DCX: variants seen among roughly 807,000 people sequenced by gnomAD.
The protein encoded by DCX is neuronal migration protein doublecortin.
A neutral mutation model predicts 20.9 loss-of-function variants in DCX; 4 were observed. The observed-to-expected ratio is 0.19, with a 90% CI of 0.09 to 0.44. The LOEUF is 0.44. Ranked by LOEUF, DCX falls within the 20% of genes least tolerant of loss-of-function variation. The pLI, the probability that DCX is intolerant of heterozygous loss-of-function variation, is 0.99. For missense variants in DCX, 133 were observed against 296.9 expected (o/e 0.45, Z 4.06); for synonymous variants, 103 against 111.4 (o/e 0.92, Z 0.47).
chrX:111,369,630 G>A (rs1375217232), intron 3 of DCX, among the ~76,000 whole-genome samples: 1 of 111,806 alleles, frequency 8.9e-6, no homozygotes, highest in Non-Finnish European at 1.9e-5. Flanking sequence ...GTGGCCCTAC[G>A]ACTGGCACAC....
chrX:111,330,912 T>C lies in DCX; in HGVS notation c.938A>G (p.Asp313Gly). 6.6e-6 allele frequency: 8 copies of C among 1,211,826 alleles called. No homozygotes were observed. Among genetic ancestry groups the C allele is most frequent in the Non-Finnish European group, 8.9e-6 (8 of 895,418 alleles). Reference protein sequence around the residue: ...RSKSPADSGNDQDANGTSSSQ... With the variant: ...RSKSPADSGNGQDANGTSSSQ... Reference sequence around the variant, plus strand: ...AGGAAAAGAGCACTCACCGTCTTGGTCGTTACCTGAGTCAGCTGGAGACTT... The same window carrying C: ...AGGAAAAGAGCACTCACCGTCTTGGCCGTTACCTGAGTCAGCTGGAGACTT... Residue 313 changes from aspartate (D) to glycine (G), a missense_variant, in exon 5 of 7, where the codon GAC (aspartate) becomes GGC (glycine). This residue lies in a region of DCX where 68 missense variants were observed against 84.3 expected (regional missense o/e 0.81). Transcript: ENST00000636035.
At chrX:111,408,001 CACAGT>C (rs1259344858) in intron 2 of DCX, among the ~76,000 whole-genome samples, 2 of 111,596 alleles carry the variant, frequency 1.8e-5, no homozygotes, top group East Asian at 5.7e-4. Context: ...TTTAGAATAT[CACAGT>C]TCATGGAAAT....
intron 3 of DCX, among the ~76,000 whole-genome samples, chrX:111,343,189 A>G (rs2147657159): frequency 9.2e-6 from 1 of 108,791 alleles, no homozygotes; most frequent in East Asian, 2.9e-4. Flanking sequence ...AGCCTAATAA[A>G]AAGAAAAGAG....
chrX:111,361,266 AC>A, intron 3 of DCX, among the ~76,000 whole-genome samples: 1 of 112,298 alleles, frequency 8.9e-6, no homozygotes, highest in Admixed American at 9.5e-5. Flanking sequence ...TGCTTTAATT[AC>A]CTAAAAGTGA....
At chrX:111,397,528 A>T (rs1022098723) in intron 3 of DCX, among the ~76,000 whole-genome samples, 10 of 111,928 alleles carry the variant, frequency 8.9e-5, no homozygotes, top group Non-Finnish European at 1.7e-4. Context: ...AAATGAGCTG[A>T]GCTCCAAAAT....
intron 3 of DCX, among the ~76,000 whole-genome samples, chrX:111,357,714 C>G (rs904087114): frequency 1.8e-5 from 2 of 108,901 alleles, no homozygotes; most frequent in East Asian, 2.9e-4. Flanking sequence ...CCCAGGATGT[C>G]GAGACTGCAG....
rs190943832 is a variant in DCX, at chrX:111,369,076, C to T, written c.705+31914G>A. Among the ~76,000 whole-genome samples, 333 of 110,841 alleles carry T rather than the reference C, an allele frequency of 3.0e-3. 3 individuals are homozygous for T. Among genetic ancestry groups the T allele is most frequent in the African/African-American group, 0.01 (305 of 30,488 alleles). ...ATGTTCAAAGGCAGGAAGCATCCAG[C>T]ATGGGAGAAAGATGTAGACTGGGAG... is the stretch of plus-strand genomic sequence containing the variant. On this transcript the variant is annotated intron_variant, in intron 3 of 6. Coordinates refer to ENST00000636035, the MANE Select transcript of DCX (RefSeq NM_001195553.2).
chrX:111,409,933 G>T (rs1415112270), intron 2 of DCX, 102 bp downstream of exon 2: 3 of 1,117,362 alleles, frequency 2.7e-6, no homozygotes, highest in Non-Finnish European at 3.7e-6. Flanking sequence ...CCGGTGTTTT[G>T]AAAAATACAT....
At chrX:111,329,699 T>G (rs1351999103) in intron 5 of DCX, among the ~76,000 whole-genome samples, 1 of 111,782 alleles carries the variant, frequency 8.9e-6, no homozygotes, top group Non-Finnish European at 1.9e-5. Flanking sequence ...AAGCCTGGGT[T>G]GCCTTTTCAT....
chrX:111,308,221 A>C (rs1188546710), intron 6 of DCX, among the ~76,000 whole-genome samples: 1 of 112,135 alleles, frequency 8.9e-6, no homozygotes, highest in Non-Finnish European at 1.9e-5. Flanking sequence ...CCTACAGAAC[A>C]AAATGTTTGT....
At chrX:111,312,862 G>A in intron 5 of DCX, 126 bp from the exon 6 acceptor site, 1 of 638,458 alleles carries the variant, frequency 1.6e-6, no homozygotes, top group Admixed American at 2.7e-5. Flanking sequence ...GTGATTTGGT[G>A]AGTAGAACAA....
intron 3 of DCX, among the ~76,000 whole-genome samples, chrX:111,394,173 G>A (rs1927156510): frequency 8.9e-6 from 1 of 111,857 alleles, no homozygotes; most frequent in Non-Finnish European, 1.9e-5. Flanking sequence ...AAGAAATGAA[G>A]TACCAATATA....
intron 5 of DCX, among the ~76,000 whole-genome samples, chrX:111,316,086 T>C (rs752009467): frequency 2.0e-5 from 1 of 50,658 alleles, no homozygotes; most frequent in East Asian, 7.3e-4. Context: ...TAATAAAAAA[T>C]AAAAAAAAAA....
At chrX:111,358,370 G>A (rs541879948) in intron 3 of DCX, among the ~76,000 whole-genome samples, 2 of 111,702 alleles carry the variant, frequency 1.8e-5, no homozygotes, top group South Asian at 3.8e-4. Context: ...GATGACCAAC[G>A]TGATAAAAGG....
intron 6 of DCX, among the ~76,000 whole-genome samples, chrX:111,302,700 G>C (rs1410042903): frequency 8.9e-6 from 1 of 112,246 alleles, no homozygotes; most frequent in Admixed American, 9.4e-5. Context: ...GCATTACCAT[G>C]ATGGCTAATG....
At chrX:111,394,406 A>G (rs1927173775) in intron 3 of DCX, among the ~76,000 whole-genome samples, 1 of 112,088 alleles carries the variant, frequency 8.9e-6, no homozygotes, top group African/African-American at 3.2e-5. Context: ...GTATTTTAAA[A>G]TTGATTGTGG....
intron 2 of DCX, among the ~76,000 whole-genome samples, chrX:111,405,961 T>A (rs1404631642): frequency 8.9e-6 from 1 of 112,355 alleles, no homozygotes; most frequent in African/African-American, 3.2e-5. Context: ...AGAGTGATTA[T>A]TAACCAATTA....
intron 5 of DCX, among the ~76,000 whole-genome samples, chrX:111,330,481 C>T (rs1353165328): frequency 8.9e-6 from 1 of 112,028 alleles, no homozygotes; most frequent in Non-Finnish European, 1.9e-5. Flanking sequence ...CTAATTACTT[C>T]AGAGTCAAAT....
At chrX:111,357,519 T>G (rs1481919705) in intron 3 of DCX, among the ~76,000 whole-genome samples, 3 of 112,066 alleles carry the variant, frequency 2.7e-5, no homozygotes, top group Non-Finnish European at 5.6e-5. Context: ...GGCTCACACC[T>G]GTAATCCTAG....
Sources: allele counts gnomAD v4.1 joint callset (sites outside exome capture counted in the v4.1 genomes callset), GRCh38; gene constraint gnomAD v4.1.1; regional missense constraint gnomAD v4.1.1; transcripts MANE v1.5; gene names NCBI Gene and HGNC (gene_info 2026-07-23, HGNC 2026-07-21).